The following TRIP12 variants were observed in gnomAD, a reference collection of about 807,000 sequenced individuals.
TRIP12 encodes E3 ubiquitin-protein ligase TRIP12.
Under a neutral mutation model 244.2 loss-of-function variants are expected in TRIP12, and 25 were observed. That is an observed-to-expected ratio of 0.10 (90% CI 0.07 to 0.14). The LOEUF (loss-of-function observed/expected upper bound fraction) is 0.14. Among genes scored for constraint, TRIP12 ranks in the 10% least tolerant of loss-of-function variants. The probability of loss-of-function intolerance (pLI) is 1.00; values close to 1 mark genes in which losing one functional copy is unlikely to be tolerated. For synonymous variants in TRIP12, 905 were observed against 873.1 expected (o/e 1.04, Z -0.64); for missense variants, 1,677 against 2,486.4 (o/e 0.67, Z 6.92).
intron 34 of TRIP12, among the ~76,000 whole-genome samples, chr2:229,784,514 A>G (rs1243912168): frequency 5.1e-5 from 3 of 58,910 alleles, no homozygotes; most frequent in African/African-American, 1.8e-4. Flanking sequence ...CACAAACAAG[A>G]AAAAAAAAAA....
At chr2:229,866,773 G>T (rs1056070663) in intron 2 of TRIP12, among the ~76,000 whole-genome samples, 1 of 152,126 alleles carries the variant, frequency 6.6e-6, no homozygotes, top group African/African-American at 2.4e-5. Context: ...ACTCTCCATA[G>T]ATGTTTCCAA....
intron 34 of TRIP12, among the ~76,000 whole-genome samples, chr2:229,782,170 A>G (rs2038418155): frequency 6.6e-6 from 1 of 152,118 alleles, no homozygotes; most frequent in East Asian, 1.9e-4. Flanking sequence ...ACAAATTTGG[A>G]TGCACCAACA....
At chr2:229,831,838 G>A (rs2053470766) in intron 6 of TRIP12, among the ~76,000 whole-genome samples, 1 of 149,964 alleles carries the variant, frequency 6.7e-6, no homozygotes, top group Non-Finnish European at 1.5e-5. Context: ...AGTTAATTGT[G>A]CCTCTATGTG....
chr2:229,872,837 C>CT (rs1200262917), intron 2 of TRIP12, among the ~76,000 whole-genome samples: 1 of 152,152 alleles, frequency 6.6e-6, no homozygotes, highest in African/African-American at 2.4e-5. Context: ...CATTTATCTT[C>CT]TAATGGGTAA....
rs551174510 is a variant in TRIP12 at position 229,812,119 on chromosome 2, C to T, written c.1987-915G>A. Among the ~76,000 whole-genome samples, 7 of 152,082 alleles carry T rather than the reference C, an allele frequency of 4.6e-5. No homozygotes were observed. In the South Asian group the frequency reaches 6.2e-4, roughly 13 times the overall value. ...TATTATTATTTTTGAGACAGAGTTT[C>T]GCTCTTGTTACCCAGGCTGGAGTGC... On this transcript the variant is annotated intron_variant, in intron 13 of 41. Coordinates refer to ENST00000675903, the MANE Select transcript of TRIP12 (RefSeq NM_001348323.3).
At chr2:229,796,935 T>A (rs2042958478) in intron 24 of TRIP12, among the ~76,000 whole-genome samples, 153 bp from the exon 25 acceptor site, 1 of 131,170 alleles carries the variant, frequency 7.6e-6, no homozygotes, top group Admixed American at 7.9e-5. Flanking sequence ...CCTTGGAAAT[T>A]ATGATTTTAA....
intron 34 of TRIP12, among the ~76,000 whole-genome samples, chr2:229,784,757 A>G (rs1393498404): frequency 6.6e-6 from 1 of 152,124 alleles, no homozygotes. Flanking sequence ...CACTAGAATA[A>G]CTAAAACAAT....
chr2:229,876,901 G>T (rs1446724089), intron 2 of TRIP12, among the ~76,000 whole-genome samples: 1 of 151,958 alleles, frequency 6.6e-6, no homozygotes, highest in African/African-American at 2.4e-5. Context: ...TTGCTATGTT[G>T]CCCAGGCTGG....
intron 1 of TRIP12, among the ~76,000 whole-genome samples, chr2:229,917,275 G>A (rs1577201283): frequency 6.6e-6 from 1 of 150,536 alleles, no homozygotes; most frequent in Non-Finnish European, 1.5e-5. Flanking sequence ...CAGCTACTCG[G>A]GAGGCTGAGG....
intron 1 of TRIP12, among the ~76,000 whole-genome samples, chr2:229,891,168 G>A (rs1353442452): frequency 1.3e-5 from 2 of 151,986 alleles, no homozygotes; most frequent in African/African-American, 4.8e-5. Context: ...CACCTGTAAT[G>A]CCAGCACTTT....
chr2:229,814,882 TTATTA>T (rs921110743), intron 11 of TRIP12, among the ~76,000 whole-genome samples: 8 of 152,362 alleles, frequency 5.3e-5, no homozygotes, highest in Middle Eastern at 3.4e-3. Context: ...TCTCTGAAAG[TTATTA>T]TATTAATGTG....
intron 4 of TRIP12, among the ~76,000 whole-genome samples, chr2:229,846,014 CAAA>C (rs34840494): frequency 1.2e-4 from 14 of 117,524 alleles, no homozygotes; most frequent in Admixed American, 3.6e-4. Flanking sequence ...CTCTTTTTTT[CAAA>C]AAAAAAAAAA....
chr2:229,900,004 T>A (rs769581470), intron 1 of TRIP12, among the ~76,000 whole-genome samples: 14 of 152,208 alleles, frequency 9.2e-5, no homozygotes, highest in Non-Finnish European at 1.5e-4. Flanking sequence ...AAAGAAAGCC[T>A]ATGGAAGTTC....
rs2049061632 is a variant in TRIP12 at position 229,818,520 on chromosome 2, G to T, written c.1451-8C>A. 1.2e-6 allele frequency: 2 copies of T among 1,607,990 alleles called. No homozygotes were observed. The highest frequency in any genetic ancestry group is 2.7e-5 in the African/African-American group (2 of 74,442). Reference sequence around the variant, plus strand: ...GCTGCTGGGCCTTAGAACCTTTAGAGAAAAAAATAATTATTATCTTTAAAC... The same window carrying T: ...GCTGCTGGGCCTTAGAACCTTTAGATAAAAAAATAATTATTATCTTTAAAC... On this transcript the variant is annotated splice_polypyrimidine_tract_variant and splice_region_variant and intron_variant, in intron 8 of 41. Transcript: ENST00000675903.
chr2:229,865,318 C>CAAAAAAAAA (rs767610234), intron 2 of TRIP12, among the ~76,000 whole-genome samples: 1 of 66,988 alleles, frequency 1.5e-5, no homozygotes, highest in African/African-American at 7.5e-5. Flanking sequence ...CTCTCAACTA[C>CAAAAAAAAA]AAAAAAAAAA....
At position 229,767,767 on chromosome 2, in the gene TRIP12, G is replaced by C; in HGVS notation, c.6008-17C>G. 6.3e-7 allele frequency: 1 copy of C among 1,596,000 alleles called. No individual in the cohort carries two copies. Among genetic ancestry groups the C allele is most frequent in the Non-Finnish European group, 8.5e-7 (1 of 1,173,688 alleles). On this transcript the variant is annotated splice_polypyrimidine_tract_variant and intron_variant, in intron 41 of 41. Transcript: ENST00000675903. Reference sequence around the variant, plus strand: ...TCCGGAATCCTGATTAAGAGAAAAAGAAAGACAAGGAACTTAAGTTTTTAA... The same window carrying C: ...TCCGGAATCCTGATTAAGAGAAAAACAAAGACAAGGAACTTAAGTTTTTAA...
chr2:229,890,376 A>G (rs2067047896), intron 1 of TRIP12, among the ~76,000 whole-genome samples: 1 of 152,178 alleles, frequency 6.6e-6, no homozygotes, highest in Non-Finnish European at 1.5e-5. Flanking sequence ...CTGGGATTAC[A>G]GGTGTGAGCC....
chr2:229,864,001 TGAAAGAGAGAGAGAGAGAGAGAGAGAGA>T (rs1236112620), intron 2 of TRIP12, among the ~76,000 whole-genome samples: 13 of 113,516 alleles, frequency 1.1e-4, no homozygotes, highest in Non-Finnish European at 2.5e-4. Flanking sequence ...AAGATTTGGG[TGAAAGAGAGAGAGAGAGAGAGAGAGAGA>T]GAGAGAGAGA....
In TRIP12 at chr2:229,808,341, C is replaced by A. The variant is rs151292964; in HGVS notation, c.2250G>T (p.Leu750=). 6.2e-7 allele frequency: 1 copy of A among 1,613,360 alleles called. No individual in the cohort carries two copies. Among genetic ancestry groups the A allele is most frequent in the Middle Eastern group, 1.6e-4 (1 of 6,062 alleles). Residue 750 remains leucine (L), a synonymous_variant, in exon 16 of 42, where the codon CTG becomes CTT. Coordinates refer to ENST00000675903, the MANE Select transcript of TRIP12 (RefSeq NM_001348323.3). ...GACAACTTCCATTGGAGGCACCACA[C>A]AGGAGAAAGTGAAGCGTTTCTGCAA... ...QNIAETLHFL[L]CGASNGSCQE...
Sources: gnomAD v4.1 joint callset for allele counts (sites outside exome capture counted in the v4.1 genomes callset) on GRCh38, gnomAD v4.1.1 for gene constraint, MANE v1.5 for transcripts, NCBI Gene and HGNC (gene_info 2026-07-23, HGNC 2026-07-21) for gene names.